The following MTCH2 variants were observed in gnomAD, a reference collection of about 807,000 sequenced individuals.
The protein encoded by MTCH2 is mitochondrial carrier 2.
In MTCH2, 25 loss-of-function variants were observed where a neutral mutation model predicts 50.6. That is an observed-to-expected ratio of 0.49 (90% CI 0.36 to 0.69). MTCH2 has a LOEUF of 0.69. MTCH2 is among the 30% of genes least tolerant of loss of function. MTCH2 has a pLI of 0.00. For missense variants in MTCH2, 273 were observed against 384.4 expected, an observed-to-expected ratio of 0.71 and a Z score of 2.42; for synonymous variants, 106 against 132.0, an observed-to-expected ratio of 0.80 and a Z score of 1.35.
rs577555649 is a variant in MTCH2 at position 47,634,179 on chromosome 11, C to A, written c.369+493G>T. ...CAGCCTCAACTTCCTGGGCTTAAGT[C>A]ATCTTCTCACCGCAGCCTCTCGAGT... is the stretch of plus-strand genomic sequence containing the variant. On this transcript the variant is annotated intron_variant, in intron 5 of 12. Transcript: ENST00000302503. 2.0e-5 allele frequency among the ~76,000 whole-genome samples: 3 copies of A among 152,242 alleles called. No individual in the cohort carries two copies. The East Asian group carries it at 5.8e-4, about 29-fold the overall frequency.
chr11:47,635,686 TTTG>T, intron 3 of MTCH2, 115 bp from the exon 4 acceptor site: 3 of 1,021,298 alleles, frequency 2.9e-6, no homozygotes, highest in Non-Finnish European at 2.8e-6. Context: ...TTTTAAAGTT[TTTG>T]TTTTTTTTTT....
chr11:47,610,503 G>C, the MTCH2 span, among the ~76,000 whole-genome samples: 1 of 152,054 alleles, frequency 6.6e-6, no homozygotes, highest in African/African-American at 2.4e-5. Flanking sequence ...TCAGGAGTTT[G>C]AGACCAGCCT....
At chr11:47,630,893 A>G (rs1453541386) in intron 7 of MTCH2, 143 bp downstream of exon 7, 2 of 788,712 alleles carry the variant, frequency 2.5e-6, no homozygotes, top group Non-Finnish European at 4.0e-6. Flanking sequence ...CTCCCATTTT[A>G]TTGTTTTTTG....
intron 11 of MTCH2, 152 bp from the exon 12 acceptor site, chr11:47,622,928 G>C: frequency 1.9e-6 from 1 of 516,702 alleles, no homozygotes; most frequent in Middle Eastern, 3.3e-4. Flanking sequence ...GCAGGGGAAC[G>C]ATCAAGCATC....
chr11:47,622,717 C>T lies in MTCH2; in HGVS notation c.809G>A (p.Cys270Tyr), dbSNP rs146359770. ...PIYTSWIDCW[C>Y]MLQKEGNMSR... ...AAGAAATACCTCTTTTTGTAGCATG[C>T]ACCAACAGTCTATCCAAGACGTATA... Residue 270 changes from cysteine (C) to tyrosine (Y), a missense_variant, in exon 12 of 13, where the codon TGC becomes TAC. Around this residue, in one of 2 missense-constraint regions of MTCH2, gnomAD observed 70 missense variants for 140.1 expected, o/e 0.50. Coordinates refer to ENST00000302503, the MANE Select transcript of MTCH2 (RefSeq NM_014342.4). The T allele has an allele frequency of 2.1e-3, 3,370 of 1,604,740 alleles. 20 individuals carry two copies. Among genetic ancestry groups the T allele is most frequent in the South Asian group, 0.018 (1,580 of 88,716 alleles).
At chr11:47,622,605 C>G in intron 12 of MTCH2, 96 bp downstream of exon 12, 1 of 974,264 alleles carries the variant, frequency 1.0e-6, no homozygotes, top group Non-Finnish European at 1.5e-6. Flanking sequence ...AAGTGAGCTA[C>G]AAGAGTTAAC....
At chr11:47,631,917 A>C (rs1485768413) in intron 5 of MTCH2, among the ~76,000 whole-genome samples, 1 of 152,050 alleles carries the variant, frequency 6.6e-6, no homozygotes, top group East Asian at 1.9e-4. Flanking sequence ...CATGGATCTC[A>C]ATGTTCTATT....
At chr11:47,616,959 C>T (rs1197707279), downstream of MTCH2, among the ~76,000 whole-genome samples, 1 of 152,218 alleles carries the variant, frequency 6.6e-6, no homozygotes, top group Admixed American at 6.5e-5. Context: ...GCTGTGATTG[C>T]AGGCATGAGC....
chr11:47,626,939 CAA>C, intron 10 of MTCH2, 139 bp downstream of exon 10: 1 of 667,014 alleles, frequency 1.5e-6, no homozygotes, highest in Non-Finnish European at 2.5e-6. Flanking sequence ...TTACCTTTGA[CAA>C]ATATAACAAA....
chr11:47,604,581 T>C, the MTCH2 span, among the ~76,000 whole-genome samples: 3 of 152,222 alleles, frequency 2.0e-5, no homozygotes, highest in Admixed American at 6.5e-5. Flanking sequence ...CAGTTTGTAA[T>C]AGCAATGACG....
At chr11:47,605,070 ACAGGCGC>A in the MTCH2 span, among the ~76,000 whole-genome samples, 1 of 152,042 alleles carries the variant, frequency 6.6e-6, no homozygotes, top group Admixed American at 6.6e-5. Flanking sequence ...AGCTGGGACT[ACAGGCGC>A]CTGCCACCAC....
At position 47,631,690 on chromosome 11, in the gene MTCH2, G is replaced by A. The variant is rs796924967; in HGVS notation, c.391C>T (p.Arg131Cys). Reference sequence around the variant, plus strand: ...TGTGTGATGAGGGTAGCAGCAGAACGAGCGATCATCTCTCGAGTTGTCTAG... The same window carrying A: ...TGTGTGATGAGGGTAGCAGCAGAACAAGCGATCATCTCTCGAGTTGTCTAG... Reference protein sequence around the residue: ...IKETTREMIARSAATLITHPF... With the variant: ...IKETTREMIACSAATLITHPF... The change falls in exon 6 of 13, where the codon CGT (arginine) becomes TGT (cysteine). Residue 131 changes from arginine (R) to cysteine (C), a missense_variant. Transcript: ENST00000302503. 4 of 1,613,794 alleles carry A rather than the reference G, an allele frequency of 2.5e-6. No individual in the cohort carries two copies. Among genetic ancestry groups the A allele is most frequent in the Non-Finnish European group, 2.5e-6 (3 of 1,179,968 alleles).
At chr11:47,609,226 G>A in the MTCH2 span, among the ~76,000 whole-genome samples, 41 of 150,934 alleles carry the variant, frequency 2.7e-4, no homozygotes, top group African/African-American at 8.0e-4. Context: ...AGGCCGAGGC[G>A]GGCGGATCAC....
At chr11:47,636,937 C>G (rs899461291) in intron 3 of MTCH2, among the ~76,000 whole-genome samples, 1 of 139,832 alleles carries the variant, frequency 7.2e-6, no homozygotes, top group Non-Finnish European at 1.5e-5. Context: ...AGAACAACAA[C>G]AAAAAAGAAA....
At chr11:47,617,243 C>G (rs1257770356), downstream of MTCH2, 1 of 152,098 alleles carries the variant, frequency 6.6e-6, no homozygotes, top group Non-Finnish European at 1.5e-5. Flanking sequence ...GACTGGTTAT[C>G]AGAGTCAGAC....
In MTCH2 at chr11:47,631,709, T is replaced by A. The variant is rs139957971; in HGVS notation, c.372A>T (p.Thr124=). 59 of 1,613,970 alleles carry A rather than the reference T, an allele frequency of 3.7e-5. No individual in the cohort carries two copies. The highest frequency in any genetic ancestry group is 4.6e-5 in the Non-Finnish European group (54 of 1,180,006). The part of the protein sequence containing the change: ...SSSFDHVIKE[T]TREMIARSAA... Reference sequence around the variant, plus strand: ...CAGAACGAGCGATCATCTCTCGAGTTGTCTAGAAACAATCAACACACACTT... The same window carrying A: ...CAGAACGAGCGATCATCTCTCGAGTAGTCTAGAAACAATCAACACACACTT... The change falls in exon 6 of 13, where the codon ACA becomes ACT. Residue 124 remains threonine (T), a splice_region_variant and synonymous_variant. Transcript: ENST00000302503.
intron 9 of MTCH2, among the ~76,000 whole-genome samples, chr11:47,627,882 C>T (rs1025586108): frequency 1.3e-5 from 2 of 152,086 alleles, no homozygotes; most frequent in African/African-American, 2.4e-5. Flanking sequence ...TATTAACAGA[C>T]AAATTCATAT....
intron 10 of MTCH2, 69 bp from the exon 11 acceptor site, chr11:47,625,810 A>G: frequency 7.7e-7 from 1 of 1,299,370 alleles, no homozygotes; most frequent in Non-Finnish European, 1.1e-6. Flanking sequence ...CCTTTACCTT[A>G]AAGGCCTAGT....
Position 47,640,486 on chromosome 11 carries a change from G to C in MTCH2, c.88-1435C>G, listed in dbSNP as rs867636493. ...GGCTGGAGTGCAGTGGCACGATCTAGGTCACTGCAACCTCCATCTCCCAGG... is the reference window on the plus strand; with the variant it reads ...GGCTGGAGTGCAGTGGCACGATCTACGTCACTGCAACCTCCATCTCCCAGG... On this transcript the variant is annotated intron_variant, in intron 1 of 12. Transcript: ENST00000302503. Among the ~76,000 whole-genome samples, 43 of 152,040 alleles carry C rather than the reference G, an allele frequency of 2.8e-4. 2 individuals carry two copies. The highest frequency in any genetic ancestry group is 1.8e-3 in the Admixed American group (28 of 15,252).
Sources: gnomAD v4.1 joint callset for allele counts (sites outside exome capture counted in the v4.1 genomes callset) on GRCh38, gnomAD v4.1.1 for gene constraint, gnomAD v4.1.1 regional missense constraint, MANE v1.5 for transcripts, NCBI Gene and HGNC (gene_info 2026-07-23, HGNC 2026-07-21) for gene names.